The following FARP1 variants were observed in gnomAD, a reference collection of about 807,000 sequenced individuals.
The protein encoded by FARP1 is FERM, ARH/RhoGEF and pleckstrin domain protein 1.
Under a neutral mutation model 128.8 loss-of-function variants are expected in FARP1, and 52 were observed. The observed-to-expected ratio is 0.40, with a 90% confidence interval of 0.32 to 0.51. The LOEUF (loss-of-function observed/expected upper bound fraction) is 0.51, where lower values mean the gene tolerates loss of function less well. Among genes scored for constraint, FARP1 ranks in the 20% least tolerant of loss-of-function variants. The pLI is 0.45. For synonymous variants in FARP1, 580 were observed against 551.8 expected, an observed-to-expected ratio of 1.05 and a Z score of -0.72; for missense variants, 1,333 against 1,367.9, an observed-to-expected ratio of 0.97 and a Z score of 0.40.
chr13:98,410,413 A>G (rs535141123), intron 14 of FARP1, among the ~76,000 whole-genome samples: 1 of 152,318 alleles, frequency 6.6e-6, no homozygotes, highest in South Asian at 2.1e-4. Flanking sequence ...CCTTTGCCTA[A>G]TTTGAGTCCT....
intron 3 of FARP1, among the ~76,000 whole-genome samples, chr13:98,350,807 G>A (rs1256367179): frequency 6.6e-6 from 1 of 152,114 alleles, no homozygotes; most frequent in African/African-American, 2.4e-5. Context: ...CCCTGTGAGT[G>A]TACCCTTTAT....
At chr13:98,382,432 A>T (rs1482101817) in intron 6 of FARP1, 3 of 152,230 alleles carry the variant, frequency 2.0e-5, no homozygotes, top group African/African-American at 7.2e-5. Flanking sequence ...CCCTGATGCC[A>T]AAGGAAAAAC....
At chr13:98,188,553 T>TC (rs1879029716) in intron 1 of FARP1, among the ~76,000 whole-genome samples, 2 of 152,066 alleles carry the variant, frequency 1.3e-5, no homozygotes, top group South Asian at 4.1e-4. Flanking sequence ...AGGGTGAGAC[T>TC]CCGTCTCAAA....
intron 2 of FARP1, among the ~76,000 whole-genome samples, chr13:98,317,415 A>T (rs919273396): frequency 6.6e-6 from 1 of 152,148 alleles, no homozygotes; most frequent in Non-Finnish European, 1.5e-5. Context: ...TGCCCACACA[A>T]CTAGCAAATG....
chr13:98,225,395 C>A (rs1397096268), intron 2 of FARP1, among the ~76,000 whole-genome samples: 1 of 152,148 alleles, frequency 6.6e-6, no homozygotes, highest in African/African-American at 2.4e-5. Context: ...CTGATCATGC[C>A]CTGGGGTTTA....
chr13:98,382,743 T>C (rs906738292), intron 6 of FARP1, among the ~76,000 whole-genome samples: 2 of 152,176 alleles, frequency 1.3e-5, no homozygotes, highest in African/African-American at 2.4e-5. Context: ...GTTTTTTTTT[T>C]CTCGTACTGT....
chr13:98,297,405 A>G (rs1447818980), intron 2 of FARP1, among the ~76,000 whole-genome samples: 2 of 152,220 alleles, frequency 1.3e-5, no homozygotes, highest in Non-Finnish European at 2.9e-5. Flanking sequence ...TAGCCGCTTA[A>G]TTATTTGGTG....
chr13:98,208,026 G>T (rs1880398447), intron 1 of FARP1, among the ~76,000 whole-genome samples: 1 of 149,930 alleles, frequency 6.7e-6, no homozygotes, highest in Non-Finnish European at 1.5e-5. Context: ...AAGGGCACTA[G>T]GCTGGGATTC....
Position 98,176,815 on chromosome 13 carries a change from C to A in FARP1, c.-24+33323C>A, listed in dbSNP as rs757905776. Reference sequence around the variant, plus strand: ...TCCCCGGTAGATGTGGTCGTGCTCCCGACCCCGCAGTGCCTCCTGGACCCG... The same window carrying A: ...TCCCCGGTAGATGTGGTCGTGCTCCAGACCCCGCAGTGCCTCCTGGACCCG... On this transcript the variant is annotated intron_variant, in intron 1 of 26. Coordinates refer to ENST00000319562, the MANE Select transcript of FARP1 (RefSeq NM_005766.4). This position sits in a 1 kb window ranked among gnomAD's most constrained non-coding sequence, Gnocchi z 6.2. 1 of 1,612,798 alleles carries A rather than the reference C, an allele frequency of 6.2e-7. No individual in the cohort carries two copies. Among genetic ancestry groups the A allele is most frequent in the East Asian group, 2.2e-5 (1 of 44,764 alleles).
rs1891568557 is a variant in FARP1 at position 98,420,885 on chromosome 13, A to AAAT, written c.1827-3684_1827-3682dup. On this transcript the variant is annotated intron_variant, in intron 16 of 26. Transcript: ENST00000319562. ...ATTTGGAGGCAGTGACATGTAGAGGAAATAAAACCATGAGGATGTTTCTAG... is the reference window on the plus strand; with the variant it reads ...ATTTGGAGGCAGTGACATGTAGAGGAAATAATAAAACCATGAGGATGTTTCTAG... 2.6e-5 allele frequency among the ~76,000 whole-genome samples: 4 copies of AAAT among 152,350 alleles called. No individual in the cohort carries two copies. In the South Asian group the frequency reaches 8.3e-4, roughly 32 times the overall value.
intron 6 of FARP1, among the ~76,000 whole-genome samples, chr13:98,382,841 C>G (rs1279548225): frequency 2.0e-5 from 3 of 152,078 alleles, no homozygotes; most frequent in Admixed American, 2.0e-4. Context: ...TTAAAGCAGT[C>G]CCCAGGCGTT....
Position 98,176,126 on chromosome 13 carries a change from T to C in FARP1, c.-24+32634T>C, listed in dbSNP as rs748982430. On this transcript the variant is annotated intron_variant, in intron 1 of 26. Coordinates refer to ENST00000319562, the MANE Select transcript of FARP1 (RefSeq NM_005766.4). The surrounding 1 kb of genome is among the most constrained non-coding windows in gnomAD (Gnocchi z 6.2). Reference sequence around the variant, plus strand: ...ATCTCTCTCATCTTACTCAACAGGCTGCTTCTCCCCAGTGTACATACAGAC... The same window carrying C: ...ATCTCTCTCATCTTACTCAACAGGCCGCTTCTCCCCAGTGTACATACAGAC... 8.9e-6 allele frequency: 14 copies of C among 1,575,932 alleles called. No homozygotes were observed.
intron 1 of FARP1, among the ~76,000 whole-genome samples, chr13:98,146,103 G>T (rs10454522): frequency 0.45 from 67,784 of 151,820 alleles, 15,231 homozygotes; most frequent in East Asian, 0.58. Flanking sequence ...ATCCTGGACG[G>T]GATTAGAGAA....
chr13:98,354,388 A>G (rs566752831), intron 3 of FARP1, among the ~76,000 whole-genome samples: 88 of 152,356 alleles, frequency 5.8e-4, no homozygotes, highest in African/African-American at 2.0e-3. Flanking sequence ...GGATAGATGA[A>G]AAGAGACTTA....
intron 4 of FARP1, 40 bp from the exon 5 acceptor site, chr13:98,368,077 A>C (rs776648702): frequency 1.4e-5 from 21 of 1,508,128 alleles, no homozygotes; most frequent in Non-Finnish European, 1.8e-5. Flanking sequence ...TTGAAACACA[A>C]ATCAGTAAAT....
At chr13:98,190,792 C>T (rs1056331118) in intron 1 of FARP1, among the ~76,000 whole-genome samples, 8 of 151,372 alleles carry the variant, frequency 5.3e-5, no homozygotes, top group Admixed American at 5.3e-4. Flanking sequence ...AGTGATTCTC[C>T]CCGCTTGGCC....
At chr13:98,259,881 AAGTGTGTG>A (rs1016809900) in intron 2 of FARP1, among the ~76,000 whole-genome samples, 2 of 18,018 alleles carry the variant, frequency 1.1e-4, no homozygotes, top group African/African-American at 2.7e-4. Context: ...GATACCTGAA[AAGTGTGTG>A]TGTGTGTGTG....
chr13:98,354,313 T>C (rs1888556493), intron 3 of FARP1, among the ~76,000 whole-genome samples: 1 of 152,240 alleles, frequency 6.6e-6, no homozygotes, highest in Non-Finnish European at 1.5e-5. Flanking sequence ...GTTCAAATTT[T>C]ATTAAACACA....
At chr13:98,201,109 TG>T (rs1487109157) in intron 1 of FARP1, among the ~76,000 whole-genome samples, 1 of 152,200 alleles carries the variant, frequency 6.6e-6, no homozygotes, top group African/African-American at 2.4e-5. Flanking sequence ...GCTGTATTTT[TG>T]TACCCATTAG....
Sources: allele counts gnomAD v4.1 joint callset (sites outside exome capture counted in the v4.1 genomes callset), GRCh38; gene constraint gnomAD v4.1.1; non-coding constraint Gnocchi (gnomAD v3.1); transcripts MANE v1.5; gene names NCBI Gene and HGNC (gene_info 2026-07-23, HGNC 2026-07-21).